DLG2: variants seen among roughly 807,000 people sequenced by gnomAD.
DLG2 encodes the protein disks large homolog 2.
A neutral mutation model predicts 132.5 loss-of-function variants in DLG2; 45 were observed. The ratio of observed to expected loss-of-function variants is 0.34; its 90% CI spans 0.27 to 0.44. The LOEUF (loss-of-function observed/expected upper bound fraction) is 0.44. DLG2 is among the 20% of genes least tolerant of loss of function. DLG2 has a pLI of 1.00. For missense variants in DLG2, 1,045 were observed against 1,196.9 expected (o/e 0.87, Z 1.87); for synonymous variants, 424 against 419.6 (o/e 1.01, Z -0.13).
intron 6 of DLG2, among the ~76,000 whole-genome samples, chr11:84,951,423 C>A (rs1464729359): frequency 6.6e-6 from 1 of 151,974 alleles, no homozygotes; most frequent in African/African-American, 2.4e-5. Flanking sequence ...AATTAAATGG[C>A]AAACACTTGG....
chr11:85,394,708 A>G (rs2087129494), intron 3 of DLG2, among the ~76,000 whole-genome samples: 1 of 152,206 alleles, frequency 6.6e-6, no homozygotes, highest in African/African-American at 2.4e-5. Flanking sequence ...CAATTTCCCT[A>G]TTCTCACAAT....
rs143452167 is a variant in DLG2 at position 85,474,018 on chromosome 11, A to G, written c.40+124639T>C. Among the ~76,000 whole-genome samples the G allele has an allele frequency of 3.0e-4, 45 of 152,200 alleles. No homozygotes were observed. The East Asian group carries it at 8.7e-3, about 29-fold the overall frequency. On this transcript the variant is annotated intron_variant, in intron 3 of 27. Coordinates refer to ENST00000376104, the MANE Select transcript of DLG2 (RefSeq NM_001142699.3). The stretch of plus-strand genomic sequence containing the variant: ...TAAACAGAATAAACAACTACTTAAA[A>G]TATAGATAGTCATGTTGAACTACAA...
intron 12 of DLG2, among the ~76,000 whole-genome samples, chr11:83,971,384 A>G (rs941062749): frequency 1.3e-5 from 2 of 152,196 alleles, no homozygotes; most frequent in Non-Finnish European, 2.9e-5. Context: ...TGATGCAGAC[A>G]AAGGAAGGCA....
intron 18 of DLG2, among the ~76,000 whole-genome samples, chr11:83,697,821 C>G (rs942100357): frequency 6.6e-6 from 1 of 152,134 alleles, no homozygotes; most frequent in Non-Finnish European, 1.5e-5. Context: ...TTTTCAAGAA[C>G]AGAGAGGCCC....
intron 21 of DLG2, among the ~76,000 whole-genome samples, chr11:83,514,678 G>A (rs1026185925): frequency 6.6e-6 from 1 of 152,106 alleles, no homozygotes; most frequent in African/African-American, 2.4e-5. Flanking sequence ...GTCATAGATA[G>A]CTCTTATTAT....
intron 7 of DLG2, among the ~76,000 whole-genome samples, chr11:84,262,670 C>G (rs751033631): frequency 9.9e-5 from 15 of 152,110 alleles, no homozygotes; most frequent in Non-Finnish European, 1.8e-4. Flanking sequence ...CTTCTATCCC[C>G]TGACCCCCTT....
intron 7 of DLG2, among the ~76,000 whole-genome samples, chr11:84,515,010 A>G (rs577779583): frequency 6.6e-6 from 1 of 152,060 alleles, no homozygotes; most frequent in Non-Finnish European, 1.5e-5. Context: ...ACATTTTAAA[A>G]TAAGTCTCAT....
intron 6 of DLG2, among the ~76,000 whole-genome samples, chr11:84,789,669 T>A (rs1249966415): frequency 2.0e-5 from 3 of 152,250 alleles, no homozygotes; most frequent in South Asian, 4.1e-4. Flanking sequence ...TTTCTAACTT[T>A]TCTATTTTTT....
rs55945893 is a variant in DLG2, at chr11:84,904,423, C to T, written c.357+207238G>A. ...GCTTTTCCACTCTGAAAGCTCACCT[C>T]GATATTCATGATATGGCCTCCGTTT... On this transcript the variant is annotated intron_variant, in intron 6 of 27. Coordinates refer to ENST00000376104, the MANE Select transcript of DLG2 (RefSeq NM_001142699.3). Among the ~76,000 whole-genome samples the T allele has an allele frequency of 8.2e-4, 125 of 152,254 alleles. 1 individual carries two copies. In the South Asian group the frequency reaches 0.018, roughly 21 times the overall value.
At chr11:84,051,298 C>T (rs4421763) in intron 11 of DLG2, among the ~76,000 whole-genome samples, 118,998 of 151,672 alleles carry the variant, frequency 0.78, 47,186 homozygotes, top group Non-Finnish European at 0.86. Context: ...GATTATAAAT[C>T]GTGTTGCTAG....
intron 6 of DLG2, among the ~76,000 whole-genome samples, chr11:84,551,046 TG>T (rs1199975851): frequency 6.6e-6 from 1 of 152,168 alleles, no homozygotes; most frequent in Non-Finnish European, 1.5e-5. Context: ...CAGCTGCCTT[TG>T]TTTTAGAGCA....
chr11:84,687,378 C>T (rs983161696), intron 6 of DLG2: 4 of 151,998 alleles, frequency 2.6e-5, no homozygotes, highest in Non-Finnish European at 4.4e-5. Flanking sequence ...CCCAAAAAAT[C>T]CTGGTTATTA....
At chr11:83,993,467 G>A (rs893713109) in intron 11 of DLG2, among the ~76,000 whole-genome samples, 1 of 152,022 alleles carries the variant, frequency 6.6e-6, no homozygotes, top group Non-Finnish European at 1.5e-5. Context: ...TTCCCTAAAC[G>A]AACATTAAAA....
intron 3 of DLG2, among the ~76,000 whole-genome samples, chr11:85,385,443 A>G (rs1441250947): frequency 6.6e-6 from 1 of 152,174 alleles, no homozygotes; most frequent in Admixed American, 6.5e-5. Context: ...AACTCTTTAT[A>G]AGGATGAATA....
intron 6 of DLG2, among the ~76,000 whole-genome samples, chr11:84,725,873 G>A (rs948446294): frequency 4.0e-5 from 6 of 151,770 alleles, no homozygotes; most frequent in South Asian, 2.1e-4. Context: ...TAACAGAAAA[G>A]AATAAACCTA....
At chr11:84,746,729 C>T in intron 6 of DLG2, among the ~76,000 whole-genome samples, 1 of 152,192 alleles carries the variant, frequency 6.6e-6, no homozygotes, top group East Asian at 1.9e-4. Flanking sequence ...ATAATTCAAA[C>T]TGCTTAAACA....
At position 83,459,820 on chromosome 11, in the gene DLG2, A is replaced by ATAAC. The variant is rs766145096; in HGVS notation, c.2922_2925dup (p.Ter976ValfsTer4). 2 of 1,582,212 alleles carry ATAAC rather than the reference A, an allele frequency of 1.3e-6. No homozygotes were observed. The highest frequency in any genetic ancestry group is 3.3e-5 in the Admixed American group (2 of 59,946). On this transcript the variant is annotated frameshift_variant, in exon 28 of 28. Transcript: ENST00000376104. LOFTEE classifies it high-confidence loss of function. Reference sequence around the variant, plus strand: ...TTGTCAGAGGCGCAGTAGCTAATTTATAACTTTTCCTTTGAGGGAATCCAG... The same window carrying ATAAC: ...TTGTCAGAGGCGCAGTAGCTAATTTATAACTAACTTTTCCTTTGAGGGAATCCAG...
intron 8 of DLG2, among the ~76,000 whole-genome samples, chr11:84,166,500 C>CAAAAAAAAAAAAAAAA (rs398016937): frequency 3.7e-5 from 3 of 81,034 alleles, no homozygotes; most frequent in African/African-American, 1.5e-4. Flanking sequence ...GACTCTGCTT[C>CAAAAAAAAAAAAAAAA]AAAAAAAAAA....
chr11:85,113,625 C>T (rs10898364), intron 5 of DLG2, among the ~76,000 whole-genome samples: 32,037 of 151,808 alleles, frequency 0.21, 3,557 homozygotes, highest in Middle Eastern at 0.28. Context: ...AACATTGAAA[C>T]AGAAGTTAGA....
Sources: gnomAD v4.1 joint callset for allele counts (sites outside exome capture counted in the v4.1 genomes callset) on GRCh38, gnomAD v4.1.1 for gene constraint, MANE v1.5 for transcripts, NCBI Gene and HGNC (gene_info 2026-07-23, HGNC 2026-07-21) for gene names.